Variants in RYR3 observed in about 807,000 individuals in gnomAD.
RYR3 encodes ryanodine receptor 3.
Under a neutral mutation model 584.3 loss-of-function variants are expected in RYR3, and 207 were observed. The observed-to-expected ratio is 0.35, with a 90% CI of 0.32 to 0.40. RYR3 has a LOEUF of 0.40. Among genes scored for constraint, RYR3 ranks in the 10% least tolerant of loss-of-function variants. RYR3 has a pLI of 1.00. For missense variants in RYR3, 5,616 were observed against 6,089.2 expected (o/e 0.92, Z 2.59); for synonymous variants, 2,416 against 2,248.5 (o/e 1.07, Z -2.11).
At chr15:33,595,336 C>G (rs187729599) in intron 16 of RYR3, among the ~76,000 whole-genome samples, 1 of 152,270 alleles carries the variant, frequency 6.6e-6, no homozygotes, top group Admixed American at 6.5e-5. Context: ...AAAATTTAAT[C>G]TTGATTATAA....
At chr15:33,512,039 A>G (rs1022570318) in intron 3 of RYR3, among the ~76,000 whole-genome samples, 1 of 152,068 alleles carries the variant, frequency 6.6e-6, no homozygotes, top group Non-Finnish European at 1.5e-5. Flanking sequence ...CGGCCTTCCA[A>G]AGTGCTGGGA....
At chr15:33,722,688 G>C in intron 43 of RYR3, 27 bp from the exon 44 acceptor site, 1 of 1,596,444 alleles carries the variant, frequency 6.3e-7, no homozygotes, top group Non-Finnish European at 8.6e-7. Flanking sequence ...TTTTCATTGA[G>C]AAGGAAACAG....
At chr15:33,707,680 A>G (rs2066814053) in intron 43 of RYR3, among the ~76,000 whole-genome samples, 2 of 152,172 alleles carry the variant, frequency 1.3e-5, no homozygotes, top group Non-Finnish European at 2.9e-5. Flanking sequence ...TTTTGTTATA[A>G]TACTAATTCA....
At chr15:33,643,193 C>T (rs1566854885) in intron 27 of RYR3, among the ~76,000 whole-genome samples, 2 of 152,162 alleles carry the variant, frequency 1.3e-5, no homozygotes, top group South Asian at 4.1e-4. Flanking sequence ...ACACCACTTT[C>T]TTCTGTAGGG....
intron 47 of RYR3, among the ~76,000 whole-genome samples, chr15:33,730,440 C>A (rs113679938): frequency 3.2e-4 from 49 of 152,270 alleles, no homozygotes; most frequent in African/African-American, 1.2e-3. Context: ...CGTTTTAAGT[C>A]TGTATATTAA....
chr15:33,660,223 A>T lies in RYR3; in HGVS notation c.4422A>T (p.Ile1474=). The change falls in exon 34 of 104, where the codon ATA becomes ATT. Residue 1474 remains isoleucine (I), a synonymous_variant. Coordinates refer to ENST00000634891, the MANE Select transcript of RYR3 (RefSeq NM_001036.6). ...LKNAMPLSAA[I]FRSEEKNPVP... ...ACGCAATGCCCCTGTCAGCGGCCAT[A>T]TTCAGGAGTGAAGAGAAGAACCCAG... 1 of 1,552,690 alleles carries T rather than the reference A, an allele frequency of 6.4e-7. No individual in the cohort carries two copies. The highest frequency in any genetic ancestry group is 8.7e-7 in the Non-Finnish European group (1 of 1,147,584).
intron 20 of RYR3, among the ~76,000 whole-genome samples, 170 bp downstream of exon 20, chr15:33,624,193 T>C (rs1358423929): frequency 6.6e-6 from 1 of 152,266 alleles, no homozygotes; most frequent in African/African-American, 2.4e-5. Context: ...AATTGGGTCT[T>C]TAAGGATTTC....
At chr15:33,346,221 A>G (rs950647632) in intron 1 of RYR3, among the ~76,000 whole-genome samples, 1 of 152,238 alleles carries the variant, frequency 6.6e-6, no homozygotes, top group Non-Finnish European at 1.5e-5. Flanking sequence ...GTGTGCGTGT[A>G]TGTGTTGGAG....
chr15:33,327,330 C>T (rs1235718054), intron 1 of RYR3, among the ~76,000 whole-genome samples: 2 of 152,218 alleles, frequency 1.3e-5, no homozygotes, highest in African/African-American at 2.4e-5. Context: ...GGATCCTCCA[C>T]TTCTGGCAGA....
intron 85 of RYR3, among the ~76,000 whole-genome samples, chr15:33,829,779 A>G (rs975846093): frequency 3.3e-5 from 5 of 151,642 alleles, no homozygotes; most frequent in East Asian, 1.9e-4. Context: ...ATTTTGATTC[A>G]TGGGAGAAGG....
At chr15:33,504,748 C>T (rs940506193) in intron 3 of RYR3, among the ~76,000 whole-genome samples, 1 of 152,188 alleles carries the variant, frequency 6.6e-6, no homozygotes, top group African/African-American at 2.4e-5. Context: ...CCACCAAGTA[C>T]TCAGTATCCC....
At chr15:33,847,190 T>C (rs1157192808) in intron 93 of RYR3, 2 of 152,244 alleles carry the variant, frequency 1.3e-5, no homozygotes, top group African/African-American at 4.8e-5. Flanking sequence ...CATCAGTTCC[T>C]CACAGTGTGC....
At chr15:33,653,840 ACTG>A (rs2152691087) in intron 32 of RYR3, among the ~76,000 whole-genome samples, 1 of 152,318 alleles carries the variant, frequency 6.6e-6, no homozygotes, top group Admixed American at 6.5e-5. Flanking sequence ...AGGTTGGGAA[ACTG>A]CCACATATCA....
intron 1 of RYR3, among the ~76,000 whole-genome samples, chr15:33,461,367 A>G (rs1339258833): frequency 6.6e-6 from 1 of 152,222 alleles, no homozygotes; most frequent in Non-Finnish European, 1.5e-5. Context: ...TTTCACGGGT[A>G]CTTTGTCTCT....
intron 76 of RYR3, 114 bp downstream of exon 76, chr15:33,818,798 C>T (rs1414172406): frequency 1.1e-5 from 8 of 726,386 alleles, no homozygotes; most frequent in Non-Finnish European, 1.8e-5. Flanking sequence ...ATTTGAGCAG[C>T]CCTCCTTGCT....
chr15:33,622,094 C>G (rs1241217153), intron 19 of RYR3, among the ~76,000 whole-genome samples: 2 of 152,200 alleles, frequency 1.3e-5, no homozygotes, highest in African/African-American at 4.8e-5. Flanking sequence ...CTGACTATTT[C>G]AAGAGTCTCC....
chr15:33,636,598 A>C lies in RYR3; in HGVS notation c.3556+48A>C, dbSNP rs779503377. ...ACCCCAGCTCCATGAGGCTGGAGGA[A>C]AATATAGGGAGAGCTGAGCGACCTG... is the stretch of plus-strand genomic sequence containing the variant. On this transcript the variant is annotated intron_variant, in intron 27 of 103. Transcript: ENST00000634891. 2.7e-6 allele frequency: 4 copies of C among 1,501,224 alleles called. No individual in the cohort carries two copies. The Admixed American group carries it at 8.7e-5, about 33-fold the overall frequency. The allele number at this position is 1,501,224 out of a possible 1,614,324, so 93.0% of individuals were successfully genotyped here.
At chr15:33,429,242 C>T (rs2044913023) in intron 1 of RYR3, among the ~76,000 whole-genome samples, 1 of 152,020 alleles carries the variant, frequency 6.6e-6, no homozygotes, top group Admixed American at 6.6e-5. Flanking sequence ...TGTCTCCACT[C>T]GGTTATGAGC....
At chr15:33,488,801 A>C (rs895065720) in intron 2 of RYR3, among the ~76,000 whole-genome samples, 1 of 152,148 alleles carries the variant, frequency 6.6e-6, no homozygotes, top group Non-Finnish European at 1.5e-5. Context: ...CAGTGAGCCG[A>C]GACTGCACTA....
Sources: allele counts gnomAD v4.1 joint callset (sites outside exome capture counted in the v4.1 genomes callset), GRCh38; gene constraint gnomAD v4.1.1; transcripts MANE v1.5; gene names NCBI Gene and HGNC (gene_info 2026-07-23, HGNC 2026-07-21).